The following BBS2 variants were observed in gnomAD, a reference collection of about 807,000 sequenced individuals.
BBS2 encodes Bardet-Biedl syndrome 2, also known as BBSome complex member BBS2.
BBS2 carries 62 observed loss-of-function variants against 83.0 expected under a neutral mutation model. That is an observed-to-expected ratio of 0.75 (90% CI 0.61 to 0.92). The LOEUF (loss-of-function observed/expected upper bound fraction) is 0.92. Ranked by LOEUF, BBS2 falls within the 40% of genes least tolerant of loss-of-function variation. BBS2 has a pLI of 0.00. For synonymous variants in BBS2, 303 were observed against 326.1 expected (o/e 0.93, Z 0.76); for missense variants, 784 against 901.0 (o/e 0.87, Z 1.66).
chr16:56,486,362 C>G (rs1488107761), intron 15 of BBS2, among the ~76,000 whole-genome samples: 2 of 152,076 alleles, frequency 1.3e-5, no homozygotes, highest in African/African-American at 4.8e-5. Context: ...GGTATTTACC[C>G]AAGAGAAATG....
rs773836403 is a variant in BBS2, at chr16:56,484,885, T to C, written c.2060-18A>G. On this transcript the variant is annotated intron_variant, in intron 16 of 16. Coordinates refer to ENST00000245157, the MANE Select transcript of BBS2 (RefSeq NM_031885.5). ...TTTTCCAACTGCATAAGAAGAAACA[T>C]CAGGAACCAAAAGATTGTTAGACAT... 1 of 1,582,820 alleles carries C rather than the reference T, an allele frequency of 6.3e-7. No individual in the cohort carries two copies. The highest frequency in any genetic ancestry group is 1.7e-5 in the Admixed American group (1 of 59,938).
downstream of BBS2, among the ~76,000 whole-genome samples, chr16:56,482,643 C>T (rs1963682219): frequency 6.6e-6 from 1 of 152,078 alleles, no homozygotes. Flanking sequence ...ACATCAAAAT[C>T]AATAAAATTA....
chr16:56,494,462 C>A (rs535997096), intron 15 of BBS2, among the ~76,000 whole-genome samples: 1 of 151,958 alleles, frequency 6.6e-6, no homozygotes, highest in Non-Finnish European at 1.5e-5. Flanking sequence ...GTGGTCAGAC[C>A]ATGATCTCTA....
chr16:56,497,057 T>G lies in BBS2; in HGVS notation c.1820A>C (p.His607Pro). 6.2e-7 allele frequency: 1 copy of G among 1,613,670 alleles called. No individual in the cohort carries two copies. The highest frequency in any genetic ancestry group is 8.5e-7 in the Non-Finnish European group (1 of 1,179,552). The change falls in exon 15 of 17, where the codon CAT becomes CCT. Residue 607 changes from histidine to proline, a missense_variant. Coordinates refer to ENST00000245157, the MANE Select transcript of BBS2 (RefSeq NM_031885.5). ...AGCCATATCAGCACTGAGCTTCTGA[T>G]GCACTGAATGATATTCATCCACCTG... ...LVKVDEYHSV[H>P]QKLSADMADH... is the part of the protein sequence containing the mutation.
At chr16:56,472,817 T>C (rs1274382836) in intron 17 of BBS2, among the ~76,000 whole-genome samples, 1 of 152,200 alleles carries the variant, frequency 6.6e-6, no homozygotes, top group African/African-American at 2.4e-5. Flanking sequence ...CCACTTAATA[T>C]TTCATAAACC....
chr16:56,491,149 T>C, intron 15 of BBS2, among the ~76,000 whole-genome samples: 1 of 152,074 alleles, frequency 6.6e-6, no homozygotes, highest in Non-Finnish European at 1.5e-5. Context: ...ATATCACACG[T>C]AAGAGATTAA....
chr16:56,515,370 C>A (rs1341096013), intron 1 of BBS2, among the ~76,000 whole-genome samples: 2 of 152,114 alleles, frequency 1.3e-5, no homozygotes, highest in Non-Finnish European at 2.9e-5. Context: ...TTAAGAGGGG[C>A]GAGATCACTC....
chr16:56,514,836 A>G (rs544075338), intron 1 of BBS2, among the ~76,000 whole-genome samples, 156 bp from the exon 2 acceptor site: 2 of 152,346 alleles, frequency 1.3e-5, no homozygotes, highest in South Asian at 2.1e-4. Context: ...AGTTCAATGC[A>G]TGGACAACTT....
At chr16:56,503,981 T>C (rs1423838726) in intron 7 of BBS2, among the ~76,000 whole-genome samples, 1 of 151,844 alleles carries the variant, frequency 6.6e-6, no homozygotes, top group Admixed American at 6.6e-5. Context: ...AACAAAAGGC[T>C]AGCTACAGAA....
rs1172963264 is a variant in BBS2 at position 56,502,208 on chromosome 16, A to G, written c.1080+109T>C. 7.5e-6 allele frequency: 11 copies of G among 1,463,946 alleles called. No individual in the cohort carries two copies. In the African/African-American group the frequency reaches 1.3e-4, roughly 17 times the overall value. 90.7% of individuals were successfully genotyped at this position (1,463,946 alleles called of 1,614,324 possible). On this transcript the variant is annotated intron_variant, in intron 9 of 16. Coordinates refer to ENST00000245157, the MANE Select transcript of BBS2 (RefSeq NM_031885.5). ...CCTCTCAATTCTGACAATGGCAAAA[A>G]GGCCACACCCTGGCAATGACACTCT... is the stretch of plus-strand genomic sequence containing the variant.
Position 56,475,014 on chromosome 16 carries a change from C to T in BBS2, c.*1-4319G>A, listed in dbSNP as rs184169809. 145 of 1,541,104 alleles carry T rather than the reference C, an allele frequency of 9.4e-5. 1 individual carries two copies. The East Asian group carries it at 2.7e-3, about 29-fold the overall frequency. On this transcript the variant is annotated intron_variant, in intron 17 of 17. Transcript: ENST00000682047. ...AGGAGGGGCAGTCTCTTCTGAGGGACCCTTTCCAGCTGAACCAATTCATAA... is the reference window on the plus strand; with the variant it reads ...AGGAGGGGCAGTCTCTTCTGAGGGATCCTTTCCAGCTGAACCAATTCATAA...
rs1291822389 is a variant in BBS2 at position 56,495,760 on chromosome 16, GTA to G, written c.1910+1205_1910+1206del. Among the ~76,000 whole-genome samples the G allele has an allele frequency of 3.4e-4, 41 of 119,798 alleles. No homozygotes were observed. In the South Asian group the frequency reaches 5.0e-3, roughly 15 times the overall value. 78.6% of individuals were successfully genotyped at this position (119,798 alleles called of 152,430 possible). On this transcript the variant is annotated intron_variant, in intron 15 of 16. Coordinates refer to ENST00000245157, the MANE Select transcript of BBS2 (RefSeq NM_031885.5). ...CATTGTGATTTTTATACAGACGTGT[GTA>G]TATATGTGTGTGTGTGTGTGTGTGT... is the stretch of plus-strand genomic sequence containing the variant.
chr16:56,514,524 G>C lies in BBS2; in HGVS notation c.274C>G (p.Leu92Val). The change falls in exon 2 of 17, where the codon CTT (leucine) becomes GTT (valine). Residue 92 changes from leucine to valine, a missense_variant. Physicochemically the swap from Leu to Val is conservative, Grantham distance 32. Coordinates refer to ENST00000245157, the MANE Select transcript of BBS2 (RefSeq NM_031885.5). ...AGATTAGTCTGTGTCCCCACTAAAA[G>C]GGCATCATAGCCAAGCTCAGGGTTC... Reference protein sequence around the residue: ...VLNPELGYDALLVGTQTNLLA... With the variant: ...VLNPELGYDAVLVGTQTNLLA... 6.2e-7 allele frequency: 1 copy of C among 1,614,126 alleles called. No individual in the cohort carries two copies. Among genetic ancestry groups the C allele is most frequent in the Non-Finnish European group, 8.5e-7 (1 of 1,180,020 alleles).
chr16:56,473,938 C>A (rs1357277262), intron 17 of BBS2, among the ~76,000 whole-genome samples: 5 of 151,982 alleles, frequency 3.3e-5, no homozygotes, highest in African/African-American at 1.2e-4. Context: ...TCCTAAGTAG[C>A]TGGGATTACA....
At chr16:56,470,424 T>A, downstream of BBS2, 1 of 1,442,158 alleles carries the variant, frequency 6.9e-7, no homozygotes, top group Non-Finnish European at 9.4e-7. Context: ...CGATCAGCTT[T>A]TATTCTGTGA....
intron 2 of BBS2, among the ~76,000 whole-genome samples, chr16:56,511,764 C>G (rs559327578): frequency 5.3e-5 from 8 of 152,164 alleles, no homozygotes; most frequent in Non-Finnish European, 8.8e-5. Context: ...CAGTCCTAAA[C>G]TCGATTTCAC....
chr16:56,505,895 C>G, intron 7 of BBS2, 55 bp downstream of exon 7: 1 of 1,358,878 alleles, frequency 7.4e-7, no homozygotes. Flanking sequence ...ACAGCCAATA[C>G]ACCTTGGACA....
intron 14 of BBS2, 58 bp downstream of exon 14, chr16:56,497,685 T>C: frequency 6.3e-7 from 1 of 1,599,586 alleles, no homozygotes; most frequent in Non-Finnish European, 8.6e-7. Flanking sequence ...ACCATTAATC[T>C]CCTCAAATAT....
intron 15 of BBS2, among the ~76,000 whole-genome samples, chr16:56,493,604 G>C (rs1418677866): frequency 1.3e-5 from 2 of 152,038 alleles, no homozygotes; most frequent in Non-Finnish European, 2.9e-5. Flanking sequence ...CTGTCTTATA[G>C]ATCTAACTTT....
Sources: gnomAD v4.1 joint callset for allele counts (sites outside exome capture counted in the v4.1 genomes callset) on GRCh38, gnomAD v4.1.1 for gene constraint, MANE v1.5 for transcripts, NCBI Gene and HGNC (gene_info 2026-07-23, HGNC 2026-07-21) for gene names.